The following ROBO2 variants were observed in gnomAD, a reference collection of about 807,000 sequenced individuals.
ROBO2 encodes the protein roundabout homolog 2.
ROBO2 carries 53 observed loss-of-function variants against 160.8 expected under a neutral mutation model. The observed-to-expected ratio is 0.33, with a 90% CI of 0.26 to 0.41. The LOEUF is 0.41. Ranked by LOEUF, ROBO2 falls within the 10% of genes least tolerant of loss-of-function variation. ROBO2 has a pLI of 1.00. For synonymous variants in ROBO2, 664 were observed against 611.7 expected (o/e 1.09, Z -1.26); for missense variants, 1,577 against 1,722.4 (o/e 0.92, Z 1.49).
intron 2 of ROBO2, among the ~76,000 whole-genome samples, chr3:76,726,403 C>T (rs765571458): frequency 8.5e-5 from 13 of 152,142 alleles, no homozygotes; most frequent in Non-Finnish European, 1.6e-4. Flanking sequence ...CCGCAACTTG[C>T]TTACTGCAAT....
At chr3:76,870,371 A>C (rs1403470624) in intron 2 of ROBO2, among the ~76,000 whole-genome samples, 2 of 152,222 alleles carry the variant, frequency 1.3e-5, no homozygotes, top group African/African-American at 4.8e-5. Flanking sequence ...TAATCAATAA[A>C]TATTATATGG....
At chr3:76,829,631 T>C (rs1482936219) in intron 2 of ROBO2, among the ~76,000 whole-genome samples, 4 of 149,106 alleles carry the variant, frequency 2.7e-5, no homozygotes, top group Non-Finnish European at 4.5e-5. Context: ...TCTTTTCTTT[T>C]TCTTTTCCCT....
chr3:76,725,028 T>C (rs2093527791), intron 2 of ROBO2, among the ~76,000 whole-genome samples: 1 of 152,128 alleles, frequency 6.6e-6, no homozygotes, highest in Non-Finnish European at 1.5e-5. Context: ...AGGGAACATA[T>C]CCCTGCTGAC....
intron 2 of ROBO2, among the ~76,000 whole-genome samples, chr3:76,327,326 C>A (rs969216519): frequency 6.6e-6 from 1 of 151,802 alleles, no homozygotes; most frequent in Non-Finnish European, 1.5e-5. Context: ...TATATTTGTT[C>A]ATTAGCTATG....
intron 2 of ROBO2, among the ~76,000 whole-genome samples, chr3:77,178,605 G>A (rs977125894): frequency 2.0e-5 from 3 of 152,028 alleles, no homozygotes; most frequent in Non-Finnish European, 2.9e-5. Context: ...AAAATGTTAG[G>A]CACTAATAAC....
intron 2 of ROBO2, among the ~76,000 whole-genome samples, chr3:76,226,729 T>C (rs933047686): frequency 3.9e-5 from 6 of 152,188 alleles, no homozygotes; most frequent in African/African-American, 1.4e-4. Context: ...GTCATTTCCT[T>C]CACTTTGGCA....
At chr3:76,281,024 A>G (rs1576242989) in intron 2 of ROBO2, among the ~76,000 whole-genome samples, 1 of 152,030 alleles carries the variant, frequency 6.6e-6, no homozygotes. Context: ...TTTTGATGCC[A>G]TAGTTTCACT....
chr3:77,170,471 TAAGGA>T (rs1279316815), intron 2 of ROBO2, among the ~76,000 whole-genome samples: 46 of 152,312 alleles, frequency 3.0e-4, no homozygotes, highest in African/African-American at 9.9e-4. Flanking sequence ...ATCTGAGAGT[TAAGGA>T]AAGTGCTTTG....
chr3:77,141,760 A>G (rs1473131309), intron 2 of ROBO2, among the ~76,000 whole-genome samples: 2 of 152,226 alleles, frequency 1.3e-5, no homozygotes, highest in Admixed American at 6.5e-5. Flanking sequence ...CTCTGCTGGC[A>G]GGCAAGAGAT....
chr3:76,855,688 T>C (rs1018475067), intron 2 of ROBO2, among the ~76,000 whole-genome samples: 8 of 152,358 alleles, frequency 5.3e-5, no homozygotes, highest in Middle Eastern at 3.4e-3. Context: ...TATTCATATC[T>C]GAGATGTCTG....
At chr3:77,376,154 C>CTTTTTTTTTTTT (rs11425201) in intron 2 of ROBO2, among the ~76,000 whole-genome samples, 1 of 115,524 alleles carries the variant, frequency 8.7e-6, no homozygotes, top group African/African-American at 3.4e-5. Flanking sequence ...ATTTAACTTT[C>CTTTTTTTTTTTT]TTTTTTTTTT....
intron 2 of ROBO2, among the ~76,000 whole-genome samples, chr3:77,292,058 T>G (rs2061353172): frequency 6.6e-6 from 1 of 150,924 alleles, no homozygotes; most frequent in Non-Finnish European, 1.5e-5. Context: ...ACGGGTAAGC[T>G]GAGACTAGTT....
At chr3:77,528,400 T>C (rs1159755173) in intron 6 of ROBO2, among the ~76,000 whole-genome samples, 1 of 151,444 alleles carries the variant, frequency 6.6e-6, no homozygotes, top group Non-Finnish European at 1.5e-5. Flanking sequence ...TGACACCTGA[T>C]ATATATGTTG....
At chr3:75,922,746 T>C (rs1202434475) in intron 1 of ROBO2, among the ~76,000 whole-genome samples, 2 of 152,244 alleles carry the variant, frequency 1.3e-5, no homozygotes, top group African/African-American at 2.4e-5. Flanking sequence ...ACCCTTATTT[T>C]CTCTGAAAGT....
intron 2 of ROBO2, among the ~76,000 whole-genome samples, chr3:76,266,030 T>C (rs2107610676): frequency 6.6e-6 from 1 of 152,268 alleles, no homozygotes; most frequent in East Asian, 1.9e-4. Flanking sequence ...AATTGAAGGT[T>C]TTCAACTAAA....
chr3:77,404,355 T>C (rs2076085979), intron 2 of ROBO2, among the ~76,000 whole-genome samples: 2 of 152,164 alleles, frequency 1.3e-5, no homozygotes, highest in African/African-American at 4.8e-5. Flanking sequence ...TCTGTGTCAC[T>C]TGCAGTATGT....
chr3:76,905,134 G>A (rs2075507182), intron 2 of ROBO2, among the ~76,000 whole-genome samples: 2 of 152,104 alleles, frequency 1.3e-5, no homozygotes, highest in South Asian at 4.1e-4. Context: ...AAGGATATGG[G>A]TTAGATAAAC....
At chr3:76,390,174 G>GC (rs1354052793) in intron 2 of ROBO2, among the ~76,000 whole-genome samples, 5 of 151,926 alleles carry the variant, frequency 3.3e-5, no homozygotes, top group Admixed American at 2.0e-4. Context: ...ATTAAAATAT[G>GC]CCCCACACCC....
chr3:77,372,008 T>A (rs2071826574), intron 2 of ROBO2, among the ~76,000 whole-genome samples: 1 of 152,192 alleles, frequency 6.6e-6, no homozygotes, highest in Non-Finnish European at 1.5e-5. Flanking sequence ...AACTGGAACA[T>A]TCCACCTTTT....
Sources: allele counts gnomAD v4.1 joint callset (sites outside exome capture counted in the v4.1 genomes callset), GRCh38; gene constraint gnomAD v4.1.1; transcripts MANE v1.5; gene names NCBI Gene and HGNC (gene_info 2026-07-23, HGNC 2026-07-21).